GRID1: variants seen among roughly 807,000 people sequenced by gnomAD.
GRID1 encodes glutamate receptor ionotropic, delta-1.
GRID1 carries 28 observed loss-of-function variants against 98.0 expected under a neutral mutation model. The ratio of observed to expected loss-of-function variants is 0.29; its 90% CI spans 0.21 to 0.39. The LOEUF is 0.39. Among genes scored for constraint, GRID1 ranks in the 10% least tolerant of loss-of-function variants. GRID1 has a pLI of 1.00. For missense variants in GRID1, 1,111 were observed against 1,340.5 expected, an observed-to-expected ratio of 0.83 and a Z score of 2.67; for synonymous variants, 553 against 538.5, an observed-to-expected ratio of 1.03 and a Z score of -0.37.
Position 85,854,649 on chromosome 10 carries a change from T to G in GRID1, c.1114-34A>C, listed in dbSNP as rs532845110. ...GAGGAGAAAAACCCATTGGAAAATC[T>G]GGTTAAGGTAGAGGATGGAGTCCCA... is the stretch of plus-strand genomic sequence containing the variant. On this transcript the variant is annotated intron_variant, in intron 7 of 15. Coordinates refer to ENST00000327946, the MANE Select transcript of GRID1 (RefSeq NM_017551.3). 59 of 1,613,076 alleles carry G rather than the reference T, an allele frequency of 3.7e-5. 2 individuals carry two copies. In the South Asian group the frequency reaches 5.7e-4, roughly 16 times the overall value.
intron 13 of GRID1, among the ~76,000 whole-genome samples, chr10:85,642,858 G>C (rs1216754443): frequency 6.6e-6 from 1 of 152,150 alleles, no homozygotes; most frequent in Non-Finnish European, 1.5e-5. Flanking sequence ...AATGGACAAG[G>C]AGTAGCTAGA....
chr10:86,054,766 T>G (rs1301068459), intron 4 of GRID1, among the ~76,000 whole-genome samples: 1 of 152,224 alleles, frequency 6.6e-6, no homozygotes, highest in African/African-American at 2.4e-5. Flanking sequence ...GAAGATTCAC[T>G]GTAAAAATGG....
intron 15 of GRID1, among the ~76,000 whole-genome samples, chr10:85,610,732 C>T (rs1024928246): frequency 6.6e-6 from 1 of 152,114 alleles, no homozygotes; most frequent in Non-Finnish European, 1.5e-5. Flanking sequence ...TCCCTGAAGG[C>T]AGGGGCCAGG....
At chr10:86,011,021 A>G (rs1842918952) in intron 4 of GRID1, among the ~76,000 whole-genome samples, 1 of 152,186 alleles carries the variant, frequency 6.6e-6, no homozygotes, top group Non-Finnish European at 1.5e-5. Context: ...GGGTAGGTGC[A>G]GGAGATGACT....
chr10:85,987,191 C>A (rs17402986), intron 4 of GRID1, among the ~76,000 whole-genome samples: 21,431 of 151,968 alleles, frequency 0.14, 1,612 homozygotes, highest in Middle Eastern at 0.17. Context: ...AAAGCCTACC[C>A]TGGATTGAGT....
chr10:86,140,066 G>T (rs986395002), intron 3 of GRID1, among the ~76,000 whole-genome samples: 1 of 152,194 alleles, frequency 6.6e-6, no homozygotes, highest in Non-Finnish European at 1.5e-5. Context: ...TGTTTCTCCC[G>T]AACTTTCCAG....
intron 3 of GRID1, among the ~76,000 whole-genome samples, chr10:86,163,403 C>A (rs559284905): frequency 7.1e-6 from 1 of 141,562 alleles, no homozygotes; most frequent in Non-Finnish European, 1.5e-5. Context: ...TGTTTTGACG[C>A]ATTTCTTTTT....
At chr10:85,874,831 T>A (rs1843312304) in intron 5 of GRID1, among the ~76,000 whole-genome samples, 1 of 151,884 alleles carries the variant, frequency 6.6e-6, no homozygotes, top group African/African-American at 2.4e-5. Context: ...TGGCTATTTT[T>A]AATATATTTT....
chr10:86,290,905 C>T (rs981885705), intron 2 of GRID1, among the ~76,000 whole-genome samples: 1 of 152,166 alleles, frequency 6.6e-6, no homozygotes, highest in Admixed American at 6.5e-5. Context: ...GGCCACAATG[C>T]ACCCCTGAAA....
At chr10:86,249,925 G>A (rs1846793589) in intron 2 of GRID1, among the ~76,000 whole-genome samples, 1 of 152,154 alleles carries the variant, frequency 6.6e-6, no homozygotes, top group Non-Finnish European at 1.5e-5. Context: ...TAGATGAATG[G>A]GTGGGTAGAT....
At chr10:86,129,672 C>T (rs1269273571) in intron 4 of GRID1, among the ~76,000 whole-genome samples, 1 of 152,206 alleles carries the variant, frequency 6.6e-6, no homozygotes, top group Non-Finnish European at 1.5e-5. Context: ...GGCACATGGC[C>T]CCAGGTCACC....
intron 8 of GRID1, among the ~76,000 whole-genome samples, chr10:85,740,987 C>G (rs1483543727): frequency 6.6e-6 from 1 of 152,142 alleles, no homozygotes; most frequent in African/African-American, 2.4e-5. Flanking sequence ...CTCCTGACCC[C>G]AGGTGATCCA....
intron 2 of GRID1, among the ~76,000 whole-genome samples, chr10:86,233,767 C>T (rs574266655): frequency 2.6e-5 from 4 of 152,284 alleles, no homozygotes; most frequent in Non-Finnish European, 5.9e-5. Context: ...CTGTCCCAGG[C>T]TCTGCCTCTA....
intron 3 of GRID1, among the ~76,000 whole-genome samples, chr10:86,152,137 G>C (rs35178629): frequency 1.5e-3 from 223 of 152,330 alleles, no homozygotes; most frequent in Middle Eastern, 0.01. Context: ...AGAGAGTGGG[G>C]AGTTGGAACT....
intron 4 of GRID1, among the ~76,000 whole-genome samples, chr10:86,070,836 G>A (rs532876171): frequency 6.6e-6 from 1 of 152,304 alleles, no homozygotes; most frequent in Non-Finnish European, 1.5e-5. Context: ...TCTTACCCTG[G>A]AGGAGCTCTC....
intron 8 of GRID1, among the ~76,000 whole-genome samples, chr10:85,747,475 A>T (rs1842008016): frequency 1.3e-5 from 2 of 152,122 alleles, no homozygotes; most frequent in Non-Finnish European, 2.9e-5. Flanking sequence ...TCTGGGAGCC[A>T]GATCATTGCA....
chr10:86,323,875 C>T (rs1368759221), intron 2 of GRID1, among the ~76,000 whole-genome samples: 1 of 152,132 alleles, frequency 6.6e-6, no homozygotes, highest in Non-Finnish European at 1.5e-5. Context: ...AAAACTAAAA[C>T]TTATCATTAA....
At chr10:85,654,473 G>A (rs1033720856) in intron 12 of GRID1, among the ~76,000 whole-genome samples, 2 of 152,172 alleles carry the variant, frequency 1.3e-5, no homozygotes, top group Admixed American at 6.5e-5. Context: ...TGATCTGAAC[G>A]ATTTTAAATA....
intron 4 of GRID1, among the ~76,000 whole-genome samples, chr10:86,051,222 A>T (rs1316184853): frequency 6.6e-6 from 1 of 151,750 alleles, no homozygotes; most frequent in Non-Finnish European, 1.5e-5. Context: ...ACATATACAC[A>T]AGATTTTAGT....
Sources: gnomAD v4.1 joint callset for allele counts (sites outside exome capture counted in the v4.1 genomes callset) on GRCh38, gnomAD v4.1.1 for gene constraint, MANE v1.5 for transcripts, NCBI Gene and HGNC (gene_info 2026-07-23, HGNC 2026-07-21) for gene names.